Variants in UMOD observed in about 807,000 individuals in gnomAD.
UMOD encodes the protein Tamm-Horsfall urinary glycoprotein.
In UMOD, 64 loss-of-function variants were observed where a neutral mutation model predicts 66.0. The ratio of observed to expected loss-of-function variants is 0.97; its 90% confidence interval spans 0.79 to 1.19. The LOEUF (loss-of-function observed/expected upper bound fraction) is 1.19, where lower values mean the gene tolerates loss of function less well. Among genes scored for constraint, UMOD ranks in the 50% most tolerant of loss-of-function variants. The probability of loss-of-function intolerance (pLI) is 0.00; values close to 1 mark genes in which losing one functional copy is unlikely to be tolerated. For missense variants in UMOD, 764 were observed against 850.9 expected (o/e 0.90, Z 1.27); for synonymous variants, 398 against 352.7 (o/e 1.13, Z -1.44).
At chr16:20,341,531 T>G (rs539162797) in intron 6 of UMOD, among the ~76,000 whole-genome samples, 195 bp from the exon 7 acceptor site, 36 of 152,306 alleles carry the variant, frequency 2.4e-4, no homozygotes, top group African/African-American at 8.2e-4. Flanking sequence ...CTAGATAAAA[T>G]GCAGGCTCTG....
chr16:20,341,068 C>T, intron 7 of UMOD, 23 bp downstream of exon 7: 2 of 1,612,022 alleles, frequency 1.2e-6, no homozygotes, highest in African/African-American at 1.3e-5. Flanking sequence ...CCATGAGTTC[C>T]CATGTAGGAA....
At chr16:20,335,673 C>A (rs918222694) in intron 9 of UMOD, among the ~76,000 whole-genome samples, 153 bp from the exon 10 acceptor site, 1 of 152,210 alleles carries the variant, frequency 6.6e-6, no homozygotes, top group African/African-American at 2.4e-5. Flanking sequence ...ACTTCAGACC[C>A]ATCAGGGGCT....
At position 20,348,674 on chromosome 16, in the gene UMOD, G is replaced by T; in HGVS notation, c.627C>A (p.Gly209=). The T allele has an allele frequency of 6.4e-7, 1 of 1,555,564 alleles. No individual in the cohort carries two copies. The highest frequency in any genetic ancestry group is 8.7e-7 in the Non-Finnish European group (1 of 1,153,058). Reference sequence around the variant, plus strand: ...CGCAGGTCTCGGCCATGCGCGCACCGCCCTGGCCCACGAAGCGGTACCAGC... The same window carrying T: ...CGCAGGTCTCGGCCATGCGCGCACCTCCCTGGCCCACGAAGCGGTACCAGC... ...LRGWYRFVGQ[G]GARMAETCVP... The change falls in exon 3 of 11, where the codon GGC becomes GGA. Residue 209 remains glycine (G), a synonymous_variant. Coordinates refer to ENST00000396138, the MANE Select transcript of UMOD (RefSeq NM_003361.4).
chr16:20,346,899 A>G (rs368035737), intron 4 of UMOD, among the ~76,000 whole-genome samples: 7 of 53,438 alleles, frequency 1.3e-4, no homozygotes, highest in Non-Finnish European at 5.6e-4. Flanking sequence ...GAAAGAAAGA[A>G]AGAAAGAAAG....
At chr16:20,356,099 A>T (rs1966025239), upstream of UMOD, 1 of 152,178 alleles carries the variant, frequency 6.6e-6, no homozygotes, top group Non-Finnish European at 1.5e-5. Context: ...GAACACAAAA[A>T]CTTAGAATGA....
chr16:20,341,045 C>CTCTGAAT (rs1282800935), intron 7 of UMOD, 46 bp downstream of exon 7: 3 of 1,594,116 alleles, frequency 1.9e-6, no homozygotes, highest in Non-Finnish European at 2.6e-6. Flanking sequence ...CAAAGACCCC[C>CTCTGAAT]TCTGAATTCT....
Position 20,350,660 on chromosome 16 carries a change from G to C in UMOD, c.78C>G (p.Thr26=). ...ACACTTTTCACTTACTTGCTTCTGA[G>C]GTGTCAGTGGCTGCAGTTGTGATGA... is the stretch of plus-strand genomic sequence containing the variant. ...SWFITTAATD[T]SEARWCSECH... is the part of the protein sequence containing the mutation. The change falls in exon 2 of 11, where the codon ACC becomes ACG. Residue 26 remains threonine, a synonymous_variant. Transcript: ENST00000396138. 6.2e-7 allele frequency: 1 copy of C among 1,614,148 alleles called. No homozygotes were observed. The highest frequency in any genetic ancestry group is 8.5e-7 in the Non-Finnish European group (1 of 1,180,030).
chr16:20,341,582 C>T lies in UMOD; in HGVS notation c.1332-246G>A, dbSNP rs541710351. Among the ~76,000 whole-genome samples, 3 of 152,218 alleles carry T rather than the reference C, an allele frequency of 2.0e-5. No individual in the cohort carries two copies. In the East Asian group the frequency reaches 5.8e-4, roughly 29 times the overall value. On this transcript the variant is annotated intron_variant, in intron 6 of 10. Coordinates refer to ENST00000396138, the MANE Select transcript of UMOD (RefSeq NM_003361.4). ...GGGTGGGGCTCAAGGTCCTGCATTTCTGACAAGTGCCTGGATGCTGCTGAT... is the reference window on the plus strand; with the variant it reads ...GGGTGGGGCTCAAGGTCCTGCATTTTTGACAAGTGCCTGGATGCTGCTGAT...
chr16:20,350,922 A>T, intron 1 of UMOD, 83 bp from the exon 2 acceptor site: 1 of 1,396,252 alleles, frequency 7.2e-7, no homozygotes, highest in Non-Finnish European at 9.5e-7. Context: ...TGTATAGTAT[A>T]CAACTCCAGG....
chr16:20,348,224 A>G lies in UMOD; in HGVS notation c.972T>C (p.Thr324=). 1 of 1,613,828 alleles carries G rather than the reference A, an allele frequency of 6.2e-7. No homozygotes were observed. Among genetic ancestry groups the G allele is most frequent in the Non-Finnish European group, 8.5e-7 (1 of 1,179,898 alleles). The change falls in exon 4 of 11, where the codon ACT becomes ACC. Residue 324 remains threonine, a splice_region_variant and synonymous_variant. Coordinates refer to ENST00000396138, the MANE Select transcript of UMOD (RefSeq NM_003361.4). ...HCQCKQDFNI[T]DISLLEHRLE... is the part of the protein sequence containing the mutation. ...CCGCTTCCTCCCCACTGGCCTCACC[A>G]GTGATGTTGAAGTCCTGTTTGCACT... is the stretch of plus-strand genomic sequence containing the variant.
At chr16:20,341,026 A>C (rs1055051707) in intron 7 of UMOD, 65 bp downstream of exon 7, 70 of 1,515,688 alleles carry the variant, frequency 4.6e-5, no homozygotes, top group Non-Finnish European at 6.1e-5. Context: ...ATTTTCCTCC[A>C]TCCAAGTCCA....
intron 4 of UMOD, 25 bp from the exon 5 acceptor site, chr16:20,346,359 G>C: frequency 6.2e-7 from 1 of 1,613,558 alleles, no homozygotes; most frequent in Non-Finnish European, 8.5e-7. Context: ...GTGGGATTGA[G>C]GACGTGTGTC....
upstream of UMOD, chr16:20,352,882 C>G (rs1965960636): frequency 1.9e-6 from 1 of 522,102 alleles, no homozygotes. Flanking sequence ...TGTTGTTGTT[C>G]TTTTTCCTAA....
At position 20,335,474 on chromosome 16, in the gene UMOD, G is replaced by A. The variant is rs1964818785; in HGVS notation, c.1861+8C>T. 1 of 1,613,900 alleles carries A rather than the reference G, an allele frequency of 6.2e-7. No homozygotes were observed. The highest frequency in any genetic ancestry group is 1.3e-5 in the African/African-American group (1 of 74,896). On this transcript the variant is annotated splice_region_variant and intron_variant, in intron 10 of 10. Coordinates refer to ENST00000396138, the MANE Select transcript of UMOD (RefSeq NM_003361.4). ...ACAGGTCCCACTGCAGAAAGGACCT[G>A]AACTTACCCAAGCTGCTAAAAGCCC...
In UMOD at chr16:20,349,032, A is replaced by G; in HGVS notation, c.269T>C (p.Phe90Ser). The G allele has an allele frequency of 6.3e-7, 1 of 1,596,292 alleles. No homozygotes were observed. The highest frequency in any genetic ancestry group is 8.5e-7 in the Non-Finnish European group (1 of 1,171,532). Residue 90 changes from phenylalanine (F) to serine (S), a missense_variant, in exon 3 of 11, where the codon TTC becomes TCC. Transcript: ENST00000396138. ...GAAGCCTTCGGGGCAGACGCAGGAG[A>G]AGGAGCCTGGCGTGTTTACGCAGCT... ...NSSCVNTPGS[F>S]SCVCPEGFRL...
rs1187462057 is a variant in UMOD at position 20,333,365 on chromosome 16, T to C, written c.1872A>G (p.Lys624=). Residue 624 remains lysine (K), a synonymous_variant, in exon 11 of 11, where the codon AAA becomes AAG. Transcript: ENST00000396138. Reference sequence around the variant, plus strand: ...CCGAGAGAAGCAGAGGCAGCCAGACTTTCAGGAGCCCTGAAAAGAAAACAG... The same window carrying C: ...CCGAGAGAAGCAGAGGCAGCCAGACCTTCAGGAGCCCTGAAAAGAAAACAG... ...SRAFSSLGLL[K]VWLPLLLSAT... is the part of the protein sequence containing the mutation. 6.2e-7 allele frequency: 1 copy of C among 1,612,862 alleles called. No individual in the cohort carries two copies. The highest frequency in any genetic ancestry group is 8.5e-7 in the Non-Finnish European group (1 of 1,179,536).
chr16:20,348,928 T>A lies in UMOD; in HGVS notation c.373A>T (p.Thr125Ser). ...TAGCTGCCCACCACATTGACACATG[T>A]GGCCAGGGCGTGGCAGTGGCTAAGC... Reference protein sequence around the residue: ...PGLSHCHALATCVNVVGSYLC... With the variant: ...PGLSHCHALASCVNVVGSYLC... Residue 125 changes from threonine to serine, a missense_variant, in exon 3 of 11, where the codon ACA becomes TCA. Coordinates refer to ENST00000396138, the MANE Select transcript of UMOD (RefSeq NM_003361.4). 2 of 1,569,698 alleles carry A rather than the reference T, an allele frequency of 1.3e-6. No individual in the cohort carries two copies. Among genetic ancestry groups the A allele is most frequent in the South Asian group, 1.2e-5 (1 of 85,740 alleles).
At chr16:20,351,311 G>A (rs1036228600) in intron 1 of UMOD, 4 of 179,708 alleles carry the variant, frequency 2.2e-5, no homozygotes, top group Non-Finnish European at 4.8e-5. Context: ...CTCACATATC[G>A]TAAAGAAGTG....
intron 2 of UMOD, chr16:20,349,573 C>T: frequency 8.3e-7 from 1 of 1,202,328 alleles, no homozygotes. Flanking sequence ...GCCTCAGCTT[C>T]CCAAAAAGTT....
Sources: gnomAD v4.1 joint callset for allele counts (sites outside exome capture counted in the v4.1 genomes callset) on GRCh38, gnomAD v4.1.1 for gene constraint, MANE v1.5 for transcripts, NCBI Gene and HGNC (gene_info 2026-07-23, HGNC 2026-07-21) for gene names.